The following TVP23C variants were observed in gnomAD, a reference collection of about 807,000 sequenced individuals.
TVP23C encodes trans-golgi network vesicle protein 23 homolog C, also known as Golgi apparatus membrane protein TVP23 homolog C.
Under a neutral mutation model 28.7 loss-of-function variants are expected in TVP23C, and 19 were observed. The ratio of observed to expected loss-of-function variants is 0.66; its 90% confidence interval spans 0.46 to 0.97. The LOEUF (loss-of-function observed/expected upper bound fraction) is 0.97. Ranked by LOEUF, TVP23C falls within the 50% of genes least tolerant of loss-of-function variation. The pLI is 0.00. For missense variants in TVP23C, 186 were observed against 241.3 expected, an observed-to-expected ratio of 0.77 and a Z score of 1.52; for synonymous variants, 68 against 81.7, an observed-to-expected ratio of 0.83 and a Z score of 0.90.
chr17:15,562,423 T>C (rs968005983), intron 1 of TVP23C: 8 of 152,136 alleles, frequency 5.3e-5, no homozygotes, highest in Non-Finnish European at 7.3e-5. Flanking sequence ...TTCACCAAGT[T>C]GGCCAGGATG....
chr17:15,516,262 GAAGA>G (rs1476238889), intron 5 of TVP23C, among the ~76,000 whole-genome samples: 4 of 152,252 alleles, frequency 2.6e-5, no homozygotes, highest in African/African-American at 9.6e-5. Flanking sequence ...CAAGAATGGA[GAAGA>G]AATACAGGGG....
intron 5 of TVP23C, among the ~76,000 whole-genome samples, chr17:15,508,891 G>C (rs1398999811): frequency 6.6e-6 from 1 of 152,170 alleles, no homozygotes; most frequent in Non-Finnish European, 1.5e-5. Context: ...TGGTAAACTA[G>C]GGGCACTTGC....
At chr17:15,554,236 C>CTTT (rs60423951) in intron 2 of TVP23C, among the ~76,000 whole-genome samples, 19 of 125,394 alleles carry the variant, frequency 1.5e-4, no homozygotes, top group East Asian at 4.8e-4. Flanking sequence ...TTGTTTGTTT[C>CTTT]TTTTTTTTTT....
Position 15,538,305 on chromosome 17 carries a change from G to A in TVP23C, c.*2107C>T. 8 of 982,610 alleles carry A rather than the reference G, an allele frequency of 8.1e-6. No individual in the cohort carries two copies. Among genetic ancestry groups the A allele is most frequent in the Non-Finnish European group, 9.7e-6 (8 of 827,462 alleles). 60.9% of individuals were successfully genotyped at this position (982,610 alleles called of 1,614,324 possible). On this transcript the variant is annotated 3_prime_UTR_variant, in exon 6 of 6. Transcript: ENST00000518321. The stretch of plus-strand genomic sequence containing the variant: ...CCCAATCACATTAAAAAGTAGACAT[G>A]CTAGGCTGGGCGCCGTGGCTTACAC...
downstream of TVP23C, among the ~76,000 whole-genome samples, chr17:15,533,925 T>C (rs142537958): frequency 2.5e-3 from 374 of 152,304 alleles, 1 homozygote; most frequent in Non-Finnish European, 2.6e-3. Context: ...ACAAGAATGT[T>C]TGGTCGCTCT....
At position 15,563,438 on chromosome 17, in the gene TVP23C, T is replaced by C. The variant is rs771370169; in HGVS notation, c.11A>G (p.Gln4Arg). The change falls in exon 1 of 6, where the codon CAG (glutamine) becomes CGG (arginine). Residue 4 changes from glutamine to arginine, a missense_variant and splice_region_variant. Coordinates refer to ENST00000518321, the MANE Select transcript of TVP23C (RefSeq NM_001135036.2). MLQ[Q>R]DSNDDTEDVS... ...CCCAGCGCGCCCTCAGCCCCTCACC[T>C]GCTGCAACATGGCGGCCCTACGCCA... 8 of 1,593,262 alleles carry C rather than the reference T, an allele frequency of 5.0e-6. No individual in the cohort carries two copies. The Admixed American group carries it at 1.2e-4, about 24-fold the overall frequency.
chr17:15,562,468 C>A (rs1224649920), intron 1 of TVP23C: 3 of 152,074 alleles, frequency 2.0e-5, no homozygotes, highest in Non-Finnish European at 4.4e-5. Flanking sequence ...CCACCCACCT[C>A]GTCCTCCCAA....
intron 2 of TVP23C, among the ~76,000 whole-genome samples, chr17:15,554,577 C>T (rs935701105): frequency 2.0e-5 from 3 of 152,106 alleles, no homozygotes; most frequent in African/African-American, 4.8e-5. Flanking sequence ...ATATAATTCA[C>T]ATATCATACA....
intron 5 of TVP23C, among the ~76,000 whole-genome samples, chr17:15,509,349 G>T (rs547416053): frequency 6.6e-6 from 1 of 152,330 alleles, no homozygotes; most frequent in South Asian, 2.1e-4. Context: ...CAGCCCAGGG[G>T]ACAGGATGCA....
intron 3 of TVP23C, among the ~76,000 whole-genome samples, chr17:15,552,143 A>G (rs1241322579): frequency 6.6e-6 from 1 of 152,244 alleles, no homozygotes; most frequent in Non-Finnish European, 1.5e-5. Flanking sequence ...ACTGGAAAGC[A>G]TGTTCTATTT....
chr17:15,555,136 T>C, intron 2 of TVP23C, 146 bp downstream of exon 2: 4 of 1,129,002 alleles, frequency 3.5e-6, no homozygotes, highest in Non-Finnish European at 5.0e-6. Context: ...AATGTCATCT[T>C]TGTCTTACAC....
chr17:15,508,173 C>G (rs1981847161), intron 5 of TVP23C, among the ~76,000 whole-genome samples: 1 of 152,176 alleles, frequency 6.6e-6, no homozygotes, highest in African/African-American at 2.4e-5. Context: ...CTAGGAGGTA[C>G]TCCTCTGCTG....
In TVP23C at chr17:15,540,545, C is replaced by T. The variant is rs1330470624; in HGVS notation, c.479G>A (p.Gly160Asp). ...CAGGTTGGCACCTTGTAGCACCACACCCATAATAACCACCGCCTGGGACAA... is the reference window on the plus strand; with the variant it reads ...CAGGTTGGCACCTTGTAGCACCACATCCATAATAACCACCGCCTGGGACAA... ...TVKWLAVVIM[G>D]VVLQGANLYG... The change falls in exon 6 of 6, where the codon GGT (glycine) becomes GAT (aspartate). Residue 160 changes from glycine to aspartate, a missense_variant. By Grantham distance (94) the Gly-to-Asp change is moderately conservative (BLOSUM62 -1). This residue lies in a region of TVP23C where 74 missense variants were observed against 96.0 expected (regional missense o/e 0.77). Transcript: ENST00000518321. 4 of 1,613,598 alleles carry T rather than the reference C, an allele frequency of 2.5e-6. No individual in the cohort carries two copies. The East Asian group carries it at 8.9e-5, about 36-fold the overall frequency.
At chr17:15,512,857 A>C (rs958865620) in intron 5 of TVP23C, among the ~76,000 whole-genome samples, 1 of 152,204 alleles carries the variant, frequency 6.6e-6, no homozygotes, top group African/African-American at 2.4e-5. Context: ...TCAAATCAAA[A>C]GGGAGATGAC....
At position 15,538,544 on chromosome 17, in the gene TVP23C, C is replaced by T. The variant is rs540404070; in HGVS notation, c.*1868G>A. The T allele has an allele frequency of 2.2e-6, 2 of 913,820 alleles. No homozygotes were observed. Among genetic ancestry groups the T allele is most frequent in the Non-Finnish European group, 2.6e-6 (2 of 764,936 alleles). 56.6% of individuals were successfully genotyped at this position (913,820 alleles called of 1,614,324 possible). A position where few individuals can be genotyped will look rare whatever the true frequency, so the allele number is the denominator to read the frequency against. On this transcript the variant is annotated 3_prime_UTR_variant, in exon 6 of 6. Transcript: ENST00000518321. Reference sequence around the variant, plus strand: ...GGTGGAGTTTGCAGTGAGCCGAGATCGCGCCACTGCACTCCAGCCTGGGCA... The same window carrying T: ...GGTGGAGTTTGCAGTGAGCCGAGATTGCGCCACTGCACTCCAGCCTGGGCA...
At position 15,553,783 on chromosome 17, in the gene TVP23C, T is replaced by C. The variant is rs1597545839; in HGVS notation, c.142A>G (p.Ile48Val). ...AACTCACAGAGAAGACAGACGATGA[T>C]TGCACTGACTCGAAAGAATAAGTGG... Reference protein sequence around the residue: ...FFHLFFRVSAIIVCLLCELLS... With the variant: ...FFHLFFRVSAVIVCLLCELLS... The change falls in exon 3 of 6, where the codon ATC (isoleucine) becomes GTC (valine). Residue 48 changes from isoleucine (I) to valine (V), a missense_variant. Physicochemically the swap from Ile to Val is conservative, Grantham distance 29. Transcript: ENST00000518321. The C allele has an allele frequency of 1.7e-5, 28 of 1,613,910 alleles. No individual in the cohort carries two copies. Among genetic ancestry groups the C allele is most frequent in the Non-Finnish European group, 2.3e-5 (27 of 1,179,850 alleles).
chr17:15,530,162 G>A (rs1982895384), intron 5 of TVP23C, among the ~76,000 whole-genome samples: 1 of 152,206 alleles, frequency 6.6e-6, no homozygotes, highest in African/African-American at 2.4e-5. Context: ...CTGATAAGGT[G>A]GGAGTCACTT....
intron 5 of TVP23C, among the ~76,000 whole-genome samples, chr17:15,521,557 T>C (rs915131439): frequency 6.6e-6 from 1 of 151,996 alleles, no homozygotes; most frequent in African/African-American, 2.4e-5. Flanking sequence ...TGGGTATTGG[T>C]ATAGGGATAT....
At chr17:15,557,942 G>C (rs575372329) in intron 1 of TVP23C, among the ~76,000 whole-genome samples, 1 of 147,574 alleles carries the variant, frequency 6.8e-6, no homozygotes, top group Admixed American at 6.9e-5. Context: ...TGATGGATGC[G>C]AGAAGCTCCT....
Sources: allele counts gnomAD v4.1 joint callset (sites outside exome capture counted in the v4.1 genomes callset), GRCh38; gene constraint gnomAD v4.1.1; regional missense constraint gnomAD v4.1.1; transcripts MANE v1.5; gene names NCBI Gene and HGNC (gene_info 2026-07-23, HGNC 2026-07-21).